The following KCNT1 variants were observed in gnomAD, a reference collection of about 807,000 sequenced individuals.
KCNT1 encodes the protein potassium sodium-activated channel subfamily T member 1.
KCNT1 carries 78 observed loss-of-function variants against 147.8 expected under a neutral mutation model. That is an observed-to-expected ratio of 0.53 (90% CI 0.44 to 0.64). The LOEUF (loss-of-function observed/expected upper bound fraction) is 0.64, where lower values mean the gene tolerates loss of function less well. Among genes scored for constraint, KCNT1 ranks in the 30% least tolerant of loss-of-function variants. The pLI is 0.00. For missense variants in KCNT1, 1,419 were observed against 1,750.3 expected (o/e 0.81, Z 3.38); for synonymous variants, 867 against 748.8 (o/e 1.16, Z -2.58).
chr9:135,769,859 A>G (rs1217997939), intron 15 of KCNT1, 88 bp from the exon 16 acceptor site: 9 of 952,628 alleles, frequency 9.4e-6, no homozygotes, highest in Non-Finnish European at 1.5e-5. Context: ...GTGCATCTGC[A>G]TAGCACCTTC....
In KCNT1 at chr9:135,786,390, C is replaced by T. The variant is rs1381344367; in HGVS notation, c.3371C>T (p.Ala1124Val). ...CTGAGCCGCAAGGCGCCCAAGCAGG[C>T]AGGCCGGGCGGCGGCCGCGGAGTGG... is the stretch of plus-strand genomic sequence containing the variant. ...RRLSRKAPKQAGRAAAAEWIS... is the reference protein window; with the variant it reads ...RRLSRKAPKQVGRAAAAEWIS... The change falls in exon 29 of 31, where the codon GCA becomes GTA. Residue 1124 changes from alanine to valine, a missense_variant. Ala to Val is a moderately conservative substitution (Grantham distance 64). Transcript: ENST00000371757. 3.2e-6 allele frequency: 5 copies of T among 1,574,548 alleles called. No homozygotes were observed.
intron 20 of KCNT1, among the ~76,000 whole-genome samples, chr9:135,775,800 C>G (rs1327581909): frequency 6.6e-6 from 1 of 152,184 alleles, no homozygotes; most frequent in Non-Finnish European, 1.5e-5. Context: ...ATCCACAGTC[C>G]AAGTTCAGAT....
chr9:135,782,835 C>T (rs59895174), intron 24 of KCNT1, among the ~76,000 whole-genome samples: 6 of 152,228 alleles, frequency 3.9e-5, no homozygotes, highest in African/African-American at 9.6e-5. Context: ...ACACGCCCAT[C>T]GCAGCTCATC....
chr9:135,716,353 G>A (rs1184062664), intron 2 of KCNT1, among the ~76,000 whole-genome samples: 2 of 152,216 alleles, frequency 1.3e-5, no homozygotes, highest in East Asian at 3.8e-4. Context: ...GTGGACAGCA[G>A]AGGCTTTTGC....
At chr9:135,767,685 C>T (rs892547139) in intron 13 of KCNT1, among the ~76,000 whole-genome samples, 28 of 152,278 alleles carry the variant, frequency 1.8e-4, no homozygotes, top group Admixed American at 6.5e-4. Flanking sequence ...ACCGGGCCTG[C>T]TCCTGCCAAC....
At chr9:135,702,651 C>T (rs570709667) in intron 1 of KCNT1, among the ~76,000 whole-genome samples, 1 of 152,218 alleles carries the variant, frequency 6.6e-6, no homozygotes, top group Admixed American at 6.5e-5. Flanking sequence ...GGGTCCTGAG[C>T]ATCTCCCAGG....
chr9:135,747,254 A>G (rs1830878476), intron 2 of KCNT1, among the ~76,000 whole-genome samples: 1 of 151,022 alleles, frequency 6.6e-6, no homozygotes, highest in Admixed American at 6.6e-5. Flanking sequence ...TCCCTGCCGG[A>G]GAGGAGAGGG....
Position 135,777,530 on chromosome 9 carries a change from G to GGCCCCCCCCCCC in KCNT1, c.2522+20_2522+21insGCCCCCCCCCCC. 6.3e-7 allele frequency: 1 copy of GGCCCCCCCCCCC among 1,588,520 alleles called. No homozygotes were observed. The highest frequency in any genetic ancestry group is 8.6e-7 in the Non-Finnish European group (1 of 1,167,048). ...CAACAAGTGAGGCTCCTGGGGCTCAGCCCACCCCGCCCACCCGGGCCCTCA... is the reference window on the plus strand; with the variant it reads ...CAACAAGTGAGGCTCCTGGGGCTCAGGCCCCCCCCCCCCCCACCCCGCCCACCCGGGCCCTCA... On this transcript the variant is annotated intron_variant, in intron 21 of 30. Coordinates refer to ENST00000371757, the MANE Select transcript of KCNT1 (RefSeq NM_020822.3).
intron 28 of KCNT1, chr9:135,785,992 G>A (rs1834013542): frequency 1.7e-6 from 1 of 593,858 alleles, no homozygotes; most frequent in Non-Finnish European, 3.0e-6. Flanking sequence ...CTGTGCTCAG[G>A]AGGAAACCAG....
intron 2 of KCNT1, among the ~76,000 whole-genome samples, chr9:135,723,946 G>A (rs1005424224): frequency 4.6e-5 from 7 of 152,176 alleles, no homozygotes; most frequent in Non-Finnish European, 7.4e-5. Flanking sequence ...TGAGGGTGCT[G>A]TGGGCTGGGG....
intron 2 of KCNT1, among the ~76,000 whole-genome samples, chr9:135,721,274 G>A (rs778766060): frequency 2.2e-4 from 33 of 152,220 alleles, no homozygotes; most frequent in Non-Finnish European, 4.1e-4. Context: ...TCAGGGAAAC[G>A]CCAGCCTGCT....
At position 135,778,684 on chromosome 9, in the gene KCNT1, CCAGCCTGGA is replaced by C; in HGVS notation, c.2599_2607del (p.Asp867_Leu869del). 6.2e-7 allele frequency: 1 copy of C among 1,613,506 alleles called. No individual in the cohort carries two copies. The highest frequency in any genetic ancestry group is 8.5e-7 in the Non-Finnish European group (1 of 1,179,860). On this transcript the variant is annotated splice_acceptor_variant and splice_polypyrimidine_tract_variant and coding_sequence_variant and intron_variant, in exon 23 of 31. Coordinates refer to ENST00000371757, the MANE Select transcript of KCNT1 (RefSeq NM_020822.3). LOFTEE classifies it high-confidence loss of function. ...CAGCCACGGGCCCTCGGTCCCGCCA[CCAGCCTGGA>C]CAGCCTGCTGCAGTGTGGCATCATC...
chr9:135,735,912 T>C (rs539844568), intron 2 of KCNT1, among the ~76,000 whole-genome samples: 32 of 152,276 alleles, frequency 2.1e-4, no homozygotes, highest in Admixed American at 7.8e-4. Flanking sequence ...GCGAGTCACC[T>C]GGAGCCGCGT....
chr9:135,714,735 C>CG lies in KCNT1; in HGVS notation c.254+19dup, dbSNP rs141291153. 3 of 1,348,494 alleles carry CG rather than the reference C, an allele frequency of 2.2e-6. No homozygotes were observed. Among genetic ancestry groups the CG allele is most frequent in the African/African-American group, 1.5e-5 (1 of 64,582 alleles). 83.5% of individuals were successfully genotyped at this position (1,348,494 alleles called of 1,614,324 possible). ...AACGACGACAGGTAGGGACCGGGCG[C>CG]GGGGTGGGGGCTGGGGTCGCCGTCC... On this transcript the variant is annotated intron_variant, in intron 2 of 30. Transcript: ENST00000371757. The surrounding 1 kb of genome is among the most constrained non-coding windows in gnomAD (Gnocchi z 6.2).
intron 27 of KCNT1, 141 bp downstream of exon 27, chr9:135,785,030 C>T: frequency 7.4e-7 from 1 of 1,359,256 alleles, no homozygotes; most frequent in Non-Finnish European, 1.0e-6. Context: ...TGTCAGGGAC[C>T]TGGGCTAGAT....
Position 135,784,596 on chromosome 9 carries a change from C to A in KCNT1, c.3005C>A (p.Pro1002Gln), listed in dbSNP as rs763585049. 1 of 1,603,124 alleles carries A rather than the reference C, an allele frequency of 6.2e-7. No homozygotes were observed. The highest frequency in any genetic ancestry group is 8.5e-7 in the Non-Finnish European group (1 of 1,176,144). The change falls in exon 26 of 31, where the codon CCG becomes CAG. Residue 1002 changes from proline (P) to glutamine (Q), a missense_variant. Pro to Gln is a moderately conservative substitution (Grantham distance 76). Around this residue, in one of 5 missense-constraint regions of KCNT1, gnomAD observed 247 missense variants for 397.1 expected, o/e 0.62. Coordinates refer to ENST00000371757, the MANE Select transcript of KCNT1 (RefSeq NM_020822.3). ...TRLLLGLDTT[P>Q]GSGYLCAMKI... ...CTGCTGCTGGGCCTGGACACCACGCCGGGCTCGGGGTACCTCTGTGCCGTA... is the reference window on the plus strand; with the variant it reads ...CTGCTGCTGGGCCTGGACACCACGCAGGGCTCGGGGTACCTCTGTGCCGTA...
At chr9:135,704,575 T>C (rs771208475) in intron 1 of KCNT1, among the ~76,000 whole-genome samples, 2 of 152,184 alleles carry the variant, frequency 1.3e-5, no homozygotes, top group African/African-American at 2.4e-5. Flanking sequence ...GAGGGACCAG[T>C]GGCCCTGGTG....
Position 135,779,409 on chromosome 9 carries a change from T to C in KCNT1, c.2780T>C (p.Met927Thr), listed in dbSNP as rs898473286. The C allele has an allele frequency of 1.2e-6, 2 of 1,613,796 alleles. No individual in the cohort carries two copies. Among genetic ancestry groups the C allele is most frequent in the African/African-American group, 2.7e-5 (2 of 74,912 alleles). ...ITTELTHPSN[M>T]RFMQFRAKDS... is the part of the protein sequence containing the mutation. ...ACGGAGCTCACCCACCCTTCCAACA[T>C]GCGCTTCATGCAGTTCCGCGCCAAG... Residue 927 changes from methionine to threonine, a missense_variant, in exon 24 of 31, where the codon ATG becomes ACG. Transcript: ENST00000371757.
At chr9:135,749,180 GA>G (rs1195093822) in intron 2 of KCNT1, among the ~76,000 whole-genome samples, 6 of 152,192 alleles carry the variant, frequency 3.9e-5, no homozygotes, top group Non-Finnish European at 8.8e-5. Context: ...CCGGGCACAG[GA>G]GACCCTGCGT....
Sources: gnomAD v4.1 joint callset for allele counts (sites outside exome capture counted in the v4.1 genomes callset) on GRCh38, gnomAD v4.1.1 for gene constraint, gnomAD v4.1.1 regional missense constraint, Gnocchi (gnomAD v3.1) non-coding constraint, MANE v1.5 for transcripts, NCBI Gene and HGNC (gene_info 2026-07-23, HGNC 2026-07-21) for gene names.